GPATCH2: variants seen among roughly 807,000 people sequenced by gnomAD.
The protein encoded by GPATCH2 is G patch domain-containing protein 2.
GPATCH2 carries 51 observed loss-of-function variants against 58.0 expected under a neutral mutation model. The ratio of observed to expected loss-of-function variants is 0.88; its 90% CI spans 0.70 to 1.11. The LOEUF is 1.11. Ranked by LOEUF, GPATCH2 falls within the 50% of genes most tolerant of loss-of-function variation. The pLI is 0.00. For missense variants in GPATCH2, 625 were observed against 652.2 expected (o/e 0.96, Z 0.45); for synonymous variants, 222 against 218.5 (o/e 1.02, Z -0.14).
At chr1:217,436,404 TA>T (rs1385752367) in intron 9 of GPATCH2, among the ~76,000 whole-genome samples, 2 of 152,208 alleles carry the variant, frequency 1.3e-5, no homozygotes, top group African/African-American at 4.8e-5. Context: ...TGAAGTAACT[TA>T]ACCTTGACCA....
rs1663042684 is a variant in GPATCH2, at chr1:217,514,815, T to C, written c.1166+7A>G. 9.5e-6 allele frequency: 13 copies of C among 1,365,032 alleles called. No individual in the cohort carries two copies. The highest frequency in any genetic ancestry group is 1.4e-5 in the Non-Finnish European group (13 of 953,330). 84.6% of individuals were successfully genotyped at this position (1,365,032 alleles called of 1,614,324 possible). A position where few individuals can be genotyped will look rare whatever the true frequency, so the allele number is the denominator to read the frequency against. ...AATAAGGTTATATAAACACACTGAG[T>C]ACTCACTCATGGTGATGAGAATCCG... On this transcript the variant is annotated splice_region_variant and intron_variant, in intron 6 of 9. Transcript: ENST00000366935.
intron 5 of GPATCH2, among the ~76,000 whole-genome samples, chr1:217,599,741 C>T (rs939892767): frequency 1.3e-5 from 2 of 152,124 alleles, no homozygotes; most frequent in African/African-American, 4.8e-5. Context: ...TTAGGCAAGA[C>T]ATCAAGTTTC....
At chr1:217,500,285 C>T (rs1407677972) in intron 6 of GPATCH2, among the ~76,000 whole-genome samples, 1 of 151,898 alleles carries the variant, frequency 6.6e-6, no homozygotes, top group Non-Finnish European at 1.5e-5. Flanking sequence ...ATCCCTTACT[C>T]CTCCCTCCTC....
Position 217,428,484 on chromosome 1 carries a change from C to T in GPATCH2, c.*2661G>A, listed in dbSNP as rs777476382. The T allele has an allele frequency of 6.6e-6, 1 of 152,038 alleles. No individual in the cohort carries two copies. The highest frequency in any genetic ancestry group is 1.9e-4 in the East Asian group (1 of 5,188). 9.4% of individuals were successfully genotyped at this position (152,038 alleles called of 1,614,324 possible). On this transcript the variant is annotated 3_prime_UTR_variant, in exon 10 of 10. Coordinates refer to ENST00000366935, the MANE Select transcript of GPATCH2 (RefSeq NM_018040.5). ...CACTAAAAAATTCGTATTTTAATTGCGTTTGTTTCTCCAATTAAGTTCAGG... is the reference window on the plus strand; with the variant it reads ...CACTAAAAAATTCGTATTTTAATTGTGTTTGTTTCTCCAATTAAGTTCAGG...
At chr1:217,570,258 C>T (rs1666469266) in intron 5 of GPATCH2, among the ~76,000 whole-genome samples, 2 of 152,110 alleles carry the variant, frequency 1.3e-5, no homozygotes, top group African/African-American at 2.4e-5. Flanking sequence ...ACTAGAGGTG[C>T]ACGCCACCAC....
intron 5 of GPATCH2, among the ~76,000 whole-genome samples, chr1:217,522,184 T>A (rs1432587158): frequency 6.6e-6 from 1 of 152,192 alleles, no homozygotes; most frequent in African/African-American, 2.4e-5. Context: ...CATTGATAAT[T>A]AAGAATTTAG....
intron 5 of GPATCH2, among the ~76,000 whole-genome samples, chr1:217,596,432 G>A (rs1667831073): frequency 6.6e-6 from 1 of 152,162 alleles, no homozygotes; most frequent in Admixed American, 6.5e-5. Context: ...TAAGGCATTT[G>A]TCCCTCAGTT....
At chr1:217,481,181 C>T (rs1359005997) in intron 8 of GPATCH2, among the ~76,000 whole-genome samples, 1 of 152,114 alleles carries the variant, frequency 6.6e-6, no homozygotes, top group African/African-American at 2.4e-5. Flanking sequence ...ATACAAAGGA[C>T]AAATTGTTGA....
chr1:217,463,641 CAAA>C (rs201402598), intron 8 of GPATCH2, among the ~76,000 whole-genome samples: 131 of 82,342 alleles, frequency 1.6e-3, no homozygotes, highest in African/African-American at 7.6e-3. Context: ...CTTATCACTC[CAAA>C]AAAAAAAAAA....
intron 5 of GPATCH2, among the ~76,000 whole-genome samples, chr1:217,586,060 G>A (rs1055783846): frequency 1.3e-5 from 2 of 152,178 alleles, no homozygotes; most frequent in African/African-American, 2.4e-5. Context: ...AGTACTGGAA[G>A]TTGCTCTGGG....
chr1:217,552,143 T>C (rs1005857214), intron 5 of GPATCH2, among the ~76,000 whole-genome samples: 9 of 152,034 alleles, frequency 5.9e-5, no homozygotes, highest in Non-Finnish European at 8.8e-5. Context: ...CTGATGTATA[T>C]GAATAAAACC....
chr1:217,572,560 C>A (rs1253428115), intron 5 of GPATCH2, among the ~76,000 whole-genome samples: 1 of 152,066 alleles, frequency 6.6e-6, no homozygotes, highest in Admixed American at 6.5e-5. Context: ...GCACAACAAC[C>A]CCAATGAGAA....
intron 5 of GPATCH2, among the ~76,000 whole-genome samples, chr1:217,535,582 A>C (rs941367319): frequency 6.6e-6 from 1 of 152,148 alleles, no homozygotes; most frequent in Non-Finnish European, 1.5e-5. Context: ...CGATCTCCTG[A>C]CCTCGTGATC....
chr1:217,468,515 C>CCACA (rs10524566), intron 8 of GPATCH2, among the ~76,000 whole-genome samples: 102 of 142,700 alleles, frequency 7.1e-4, no homozygotes, highest in African/African-American at 1.8e-3. Flanking sequence ...GCACACACAA[C>CCACA]CACACACACA....
chr1:217,470,096 A>G (rs1392957486), intron 8 of GPATCH2, among the ~76,000 whole-genome samples: 1 of 152,146 alleles, frequency 6.6e-6, no homozygotes, highest in Non-Finnish European at 1.5e-5. Flanking sequence ...TCCTAGGAGA[A>G]TCATCTCTGG....
At chr1:217,524,509 C>T (rs921167137) in intron 5 of GPATCH2, among the ~76,000 whole-genome samples, 178 of 152,002 alleles carry the variant, frequency 1.2e-3, no homozygotes, top group African/African-American at 3.6e-3. Context: ...CCAAGGCAGG[C>T]TGCTGGGAGG....
chr1:217,544,105 C>G (rs1308147568), intron 5 of GPATCH2, among the ~76,000 whole-genome samples: 1 of 152,148 alleles, frequency 6.6e-6, no homozygotes, highest in Admixed American at 6.5e-5. Context: ...AGATATGAAA[C>G]TGCAATAACC....
chr1:217,499,207 G>GAA (rs1359321125), intron 6 of GPATCH2, among the ~76,000 whole-genome samples: 1 of 152,142 alleles, frequency 6.6e-6, no homozygotes, highest in East Asian at 1.9e-4. Flanking sequence ...CGATCACAGG[G>GAA]AATGATACTA....
At chr1:217,574,296 T>C (rs1240920129) in intron 5 of GPATCH2, among the ~76,000 whole-genome samples, 1 of 152,148 alleles carries the variant, frequency 6.6e-6, no homozygotes, top group African/African-American at 2.4e-5. Context: ...TTTGGGACTA[T>C]CCTAGCCCGA....
Sources: allele counts gnomAD v4.1 joint callset (sites outside exome capture counted in the v4.1 genomes callset), GRCh38; gene constraint gnomAD v4.1.1; transcripts MANE v1.5; gene names NCBI Gene and HGNC (gene_info 2026-07-23, HGNC 2026-07-21).